The following ANTXR1 variants were observed in gnomAD, a reference collection of about 807,000 sequenced individuals.
ANTXR1 encodes the protein anthrax toxin receptor 1.
ANTXR1 carries 19 observed loss-of-function variants against 78.1 expected under a neutral mutation model. The observed-to-expected ratio is 0.24, with a 90% confidence interval of 0.17 to 0.36. ANTXR1 has a LOEUF of 0.36. Among genes scored for constraint, ANTXR1 ranks in the 10% least tolerant of loss-of-function variants. ANTXR1 has a pLI of 1.00. For missense variants in ANTXR1, 518 were observed against 718.6 expected (o/e 0.72, Z 3.19); for synonymous variants, 273 against 260.5 (o/e 1.05, Z -0.46).
intron 10 of ANTXR1, among the ~76,000 whole-genome samples, chr2:69,108,201 G>A (rs1248599615): frequency 6.6e-6 from 1 of 152,250 alleles, no homozygotes; most frequent in East Asian, 1.9e-4. Context: ...ATTAGACAAT[G>A]CCATGAACAT....
At chr2:69,185,039 A>G (rs1339660055) in intron 16 of ANTXR1, among the ~76,000 whole-genome samples, 1 of 152,090 alleles carries the variant, frequency 6.6e-6, no homozygotes, top group Non-Finnish European at 1.5e-5. Context: ...TGTTGCCCCA[A>G]TTATCACTTC....
chr2:69,023,482 G>A (rs115419963), intron 1 of ANTXR1, among the ~76,000 whole-genome samples: 3 of 145,758 alleles, frequency 2.1e-5, no homozygotes, highest in African/African-American at 8.3e-5. Context: ...TAGTGATGAT[G>A]GTGATGGTGA....
intron 13 of ANTXR1, among the ~76,000 whole-genome samples, chr2:69,168,324 T>A (rs1673887457): frequency 6.6e-6 from 1 of 152,178 alleles, no homozygotes; most frequent in Non-Finnish European, 1.5e-5. Context: ...GATGACTCAG[T>A]TTCTGCAAGG....
At chr2:69,103,005 T>C in intron 10 of ANTXR1, 65 bp downstream of exon 10, 2 of 1,485,516 alleles carry the variant, frequency 1.3e-6, no homozygotes, top group Non-Finnish European at 1.9e-6. Context: ...ATTCCCACCC[T>C]TGTCTTCCAG....
At chr2:69,033,355 G>A (rs1671585758) in intron 1 of ANTXR1, among the ~76,000 whole-genome samples, 1 of 152,238 alleles carries the variant, frequency 6.6e-6, no homozygotes, top group South Asian at 2.1e-4. Flanking sequence ...TAAGACTCCA[G>A]GCAGTCAGAG....
At chr2:69,148,561 A>T (rs1673294962) in intron 12 of ANTXR1, among the ~76,000 whole-genome samples, 1 of 152,214 alleles carries the variant, frequency 6.6e-6, no homozygotes, top group Non-Finnish European at 1.5e-5. Flanking sequence ...GATGAGAAAG[A>T]GAATATTATT....
At chr2:69,141,750 A>G (rs182694873) in intron 12 of ANTXR1, among the ~76,000 whole-genome samples, 59 of 152,364 alleles carry the variant, frequency 3.9e-4, no homozygotes, top group Admixed American at 1.3e-3. Flanking sequence ...GTCATCATCC[A>G]TCTGTCATGA....
At chr2:69,241,858 C>G (rs1675902708) in intron 17 of ANTXR1, among the ~76,000 whole-genome samples, 1 of 152,136 alleles carries the variant, frequency 6.6e-6, no homozygotes, top group East Asian at 1.9e-4. Flanking sequence ...AGGCACTGTT[C>G]CAAGCCCTTC....
In ANTXR1 at chr2:69,055,753, G is replaced by A. The variant is rs559616852; in HGVS notation, c.296+10940G>A. Among the ~76,000 whole-genome samples the A allele has an allele frequency of 4.6e-5, 7 of 151,990 alleles. 1 individual carries two copies. The South Asian group carries it at 1.5e-3, about 32-fold the overall frequency. On this transcript the variant is annotated intron_variant, in intron 3 of 17. Transcript: ENST00000303714. Reference sequence around the variant, plus strand: ...TCTCAAATTTTGGAGTACAATTTATGCTCCAGAAAAAAAACATTATGTGTC... The same window carrying A: ...TCTCAAATTTTGGAGTACAATTTATACTCCAGAAAAAAAACATTATGTGTC...
At chr2:69,015,702 AT>A (rs1671006356) in intron 1 of ANTXR1, among the ~76,000 whole-genome samples, 1 of 152,156 alleles carries the variant, frequency 6.6e-6, no homozygotes, top group Admixed American at 6.5e-5. Flanking sequence ...CTTTTAAAAC[AT>A]GATAAGGAAG....
intron 1 of ANTXR1, among the ~76,000 whole-genome samples, chr2:69,015,851 A>G (rs917295618): frequency 2.0e-5 from 3 of 152,234 alleles, no homozygotes; most frequent in African/African-American, 7.2e-5. Context: ...ATTTTCATAT[A>G]TAAAAAGCAG....
intron 17 of ANTXR1, among the ~76,000 whole-genome samples, chr2:69,232,377 A>G (rs1217916259): frequency 3.3e-5 from 5 of 152,094 alleles, no homozygotes; most frequent in African/African-American, 9.7e-5. Flanking sequence ...GAGTCCACAT[A>G]TACCACCAAA....
chr2:69,032,891 C>A (rs571802371), intron 1 of ANTXR1, among the ~76,000 whole-genome samples: 6 of 152,226 alleles, frequency 3.9e-5, no homozygotes, highest in Admixed American at 2.0e-4. Flanking sequence ...AGTACATATA[C>A]AATACTTATG....
At chr2:69,128,214 G>A (rs546684119) in intron 12 of ANTXR1, among the ~76,000 whole-genome samples, 2 of 148,422 alleles carry the variant, frequency 1.3e-5, no homozygotes, top group African/African-American at 5.0e-5. Context: ...GACAGAGCGA[G>A]ACTCCATCTC....
chr2:69,236,314 A>T (rs573613728), intron 17 of ANTXR1, among the ~76,000 whole-genome samples: 10 of 152,308 alleles, frequency 6.6e-5, no homozygotes, highest in Non-Finnish European at 1.5e-4. Flanking sequence ...TTGTGTATAT[A>T]TATGTGTGTA....
At chr2:69,060,173 A>T (rs1415610082) in intron 3 of ANTXR1, among the ~76,000 whole-genome samples, 1 of 152,158 alleles carries the variant, frequency 6.6e-6, no homozygotes, top group Non-Finnish European at 1.5e-5. Flanking sequence ...AGTTCCCAGA[A>T]GATACCCAGG....
intron 9 of ANTXR1, among the ~76,000 whole-genome samples, chr2:69,094,808 G>A (rs1438355345): frequency 1.3e-5 from 2 of 152,212 alleles, no homozygotes; most frequent in East Asian, 3.8e-4. Flanking sequence ...ATAACAAGGT[G>A]TAATTTAATG....
At chr2:69,227,788 T>C (rs1029449899) in intron 17 of ANTXR1, among the ~76,000 whole-genome samples, 1 of 152,300 alleles carries the variant, frequency 6.6e-6, no homozygotes, top group South Asian at 2.1e-4. Flanking sequence ...TTTGGACATA[T>C]AATTTCTGCT....
At chr2:69,145,097 C>G (rs1264097310) in intron 12 of ANTXR1, among the ~76,000 whole-genome samples, 1 of 152,138 alleles carries the variant, frequency 6.6e-6, no homozygotes, top group Non-Finnish European at 1.5e-5. Context: ...CTGAGTGTGG[C>G]AGCAAACAGG....
Sources: allele counts gnomAD v4.1 joint callset (sites outside exome capture counted in the v4.1 genomes callset), GRCh38; gene constraint gnomAD v4.1.1; transcripts MANE v1.5; gene names NCBI Gene and HGNC (gene_info 2026-07-23, HGNC 2026-07-21).